The following UNC13C variants were observed in gnomAD, a reference collection of about 807,000 sequenced individuals.
The protein encoded by UNC13C is protein unc-13 homolog C.
In UNC13C, 174 loss-of-function variants were observed where a neutral mutation model predicts 245.4. The observed-to-expected ratio is 0.71, with a 90% CI of 0.63 to 0.80. UNC13C has a LOEUF of 0.80. Among genes scored for constraint, UNC13C ranks in the 30% least tolerant of loss-of-function variants. The probability of loss-of-function intolerance (pLI) is 0.00; values close to 1 mark genes in which losing one functional copy is unlikely to be tolerated. For synonymous variants in UNC13C, 992 were observed against 895.1 expected (o/e 1.11, Z -1.93); for missense variants, 2,829 against 2,602.9 (o/e 1.09, Z -1.89).
Position 54,293,342 on chromosome 15 carries a change from C to T in UNC13C, c.3819-553C>T, listed in dbSNP as rs575032791. 1.1e-4 allele frequency among the ~76,000 whole-genome samples: 16 copies of T among 152,056 alleles called. 1 individual carries two copies. In the South Asian group the frequency reaches 1.5e-3, roughly 14 times the overall value. Reference sequence around the variant, plus strand: ...AGGGTGAAGAAAACCTGGAAATTAACGATGGACTAGAATGCACAGTTTGTT... The same window carrying T: ...AGGGTGAAGAAAACCTGGAAATTAATGATGGACTAGAATGCACAGTTTGTT... On this transcript the variant is annotated intron_variant, in intron 10 of 32. Transcript: ENST00000260323.
At chr15:54,525,133 T>G (rs1895389315) in intron 24 of UNC13C, among the ~76,000 whole-genome samples, 1 of 152,222 alleles carries the variant, frequency 6.6e-6, no homozygotes, top group Non-Finnish European at 1.5e-5. Flanking sequence ...ACTTTTATTC[T>G]TAATGTGCCT....
chr15:54,264,770 A>G (rs921472220), intron 9 of UNC13C, among the ~76,000 whole-genome samples: 2 of 151,880 alleles, frequency 1.3e-5, no homozygotes, highest in South Asian at 2.1e-4. Context: ...TCCTGGCTCA[A>G]CATCCCTCAT....
At chr15:54,597,333 C>T (rs565878940) in intron 30 of UNC13C, among the ~76,000 whole-genome samples, 6 of 152,234 alleles carry the variant, frequency 3.9e-5, no homozygotes, top group South Asian at 2.1e-4. Context: ...AGCGTGCCAG[C>T]GAAGAATCCT....
At chr15:54,164,083 A>T (rs1460673405) in intron 4 of UNC13C, among the ~76,000 whole-genome samples, 2 of 152,202 alleles carry the variant, frequency 1.3e-5, no homozygotes, top group Non-Finnish European at 2.9e-5. Context: ...GCTTGACTAT[A>T]GTAACCATTT....
intron 4 of UNC13C, among the ~76,000 whole-genome samples, chr15:54,165,571 CAAAT>C (rs1474039845): frequency 6.6e-6 from 1 of 152,042 alleles, no homozygotes; most frequent in Non-Finnish European, 1.5e-5. Flanking sequence ...CTTACATCAA[CAAAT>C]AAGTTATCAT....
chr15:54,258,410 T>C (rs1169494691), intron 8 of UNC13C, among the ~76,000 whole-genome samples: 3 of 152,144 alleles, frequency 2.0e-5, no homozygotes, highest in Non-Finnish European at 4.4e-5. Flanking sequence ...GTCTCCCAGG[T>C]TGGAGTACAG....
At chr15:53,982,255 G>C (rs1405616898) in intron 1 of UNC13C, among the ~76,000 whole-genome samples, 1 of 152,070 alleles carries the variant, frequency 6.6e-6, no homozygotes, top group Non-Finnish European at 1.5e-5. Context: ...GAGCCTTCTG[G>C]TTCTTGAGAA....
At chr15:54,600,777 T>C (rs1388909146) in intron 30 of UNC13C, among the ~76,000 whole-genome samples, 1 of 152,116 alleles carries the variant, frequency 6.6e-6, no homozygotes, top group Non-Finnish European at 1.5e-5. Context: ...TATTCATTCA[T>C]AGGACTAATG....
At chr15:54,598,030 A>C (rs1359442215) in intron 30 of UNC13C, among the ~76,000 whole-genome samples, 1 of 152,210 alleles carries the variant, frequency 6.6e-6, no homozygotes, top group Non-Finnish European at 1.5e-5. Flanking sequence ...GTCAAGCTTT[A>C]AGACTGGTAA....
intron 26 of UNC13C, among the ~76,000 whole-genome samples, chr15:54,545,387 G>C (rs1275555794): frequency 6.6e-6 from 1 of 151,976 alleles, no homozygotes; most frequent in Non-Finnish European, 1.5e-5. Context: ...CATAGACATG[G>C]GCAAAAACTT....
At chr15:54,214,079 C>A (rs1596017465) in intron 4 of UNC13C, among the ~76,000 whole-genome samples, 1 of 151,842 alleles carries the variant, frequency 6.6e-6, no homozygotes, top group Non-Finnish European at 1.5e-5. Flanking sequence ...AATACCCATT[C>A]CCTAATTGGC....
intron 28 of UNC13C, among the ~76,000 whole-genome samples, chr15:54,551,666 C>T (rs901695169): frequency 2.6e-5 from 4 of 152,036 alleles, no homozygotes; most frequent in African/African-American, 9.7e-5. Flanking sequence ...ATTTCAACAA[C>T]ACTGAAATAA....
chr15:53,990,114 G>C (rs139448808), intron 1 of UNC13C, among the ~76,000 whole-genome samples: 1 of 152,058 alleles, frequency 6.6e-6, no homozygotes, highest in East Asian at 1.9e-4. Flanking sequence ...ATCTTGGATA[G>C]GCTTGCCTTC....
intron 17 of UNC13C, among the ~76,000 whole-genome samples, chr15:54,361,250 T>C (rs1028807483): frequency 6.6e-6 from 1 of 152,174 alleles, no homozygotes; most frequent in Admixed American, 6.6e-5. Context: ...GTTGAGGCTT[T>C]CTAATGTGTT....
intron 17 of UNC13C, among the ~76,000 whole-genome samples, chr15:54,387,804 C>G (rs1316972503): frequency 6.6e-6 from 1 of 152,150 alleles, no homozygotes. Context: ...TTAAAATATT[C>G]AGGCTTACAT....
At chr15:54,311,772 C>T (rs894071241) in intron 13 of UNC13C, among the ~76,000 whole-genome samples, 2 of 151,724 alleles carry the variant, frequency 1.3e-5, no homozygotes, top group African/African-American at 2.4e-5. Context: ...ATTTTGTCAG[C>T]GATTTGTTTG....
At chr15:54,266,733 A>G (rs1422231870) in intron 10 of UNC13C, among the ~76,000 whole-genome samples, 1 of 152,054 alleles carries the variant, frequency 6.6e-6, no homozygotes, top group African/African-American at 2.4e-5. Context: ...TCCTGTCACT[A>G]CAGACAAGAT....
the UNC13C span, among the ~76,000 whole-genome samples, chr15:53,939,998 A>G: frequency 1.3e-5 from 2 of 152,130 alleles, no homozygotes; most frequent in African/African-American, 4.8e-5. Flanking sequence ...TTATGGTAGC[A>G]GCTAGATGAA....
chr15:53,887,323 A>G, the UNC13C span, among the ~76,000 whole-genome samples: 1 of 152,188 alleles, frequency 6.6e-6, no homozygotes, highest in Non-Finnish European at 1.5e-5. Flanking sequence ...GTTATTTAAT[A>G]TGTTTATTCT....
Sources: gnomAD v4.1 joint callset for allele counts (sites outside exome capture counted in the v4.1 genomes callset) on GRCh38, gnomAD v4.1.1 for gene constraint, MANE v1.5 for transcripts, NCBI Gene and HGNC (gene_info 2026-07-23, HGNC 2026-07-21) for gene names.